FAF1: variants seen among roughly 807,000 people sequenced by gnomAD.
FAF1 encodes the protein Fas associated factor 1, also known as FAS-associated factor 1.
In FAF1, 25 loss-of-function variants were observed where a neutral mutation model predicts 92.5. The observed-to-expected ratio is 0.27, with a 90% CI of 0.20 to 0.38. The LOEUF (loss-of-function observed/expected upper bound fraction) is 0.38. Among genes scored for constraint, FAF1 ranks in the 10% least tolerant of loss-of-function variants. The pLI is 1.00. For missense variants in FAF1, 636 were observed against 793.3 expected, an observed-to-expected ratio of 0.80 and a Z score of 2.38; for synonymous variants, 234 against 273.2, an observed-to-expected ratio of 0.86 and a Z score of 1.42.
chr1:50,847,309 G>A (rs577449937), intron 2 of FAF1, among the ~76,000 whole-genome samples: 1 of 151,442 alleles, frequency 6.6e-6, no homozygotes, highest in South Asian at 2.1e-4. Context: ...TGTTAGAACA[G>A]GAAATTTTAG....
chr1:50,937,578 T>C (rs1366042348), intron 1 of FAF1, among the ~76,000 whole-genome samples: 1 of 152,156 alleles, frequency 6.6e-6, no homozygotes, highest in East Asian at 1.9e-4. Context: ...TGGGACTTTG[T>C]ACCATATGAT....
In FAF1 at chr1:50,893,399, C is replaced by T. The variant is rs1570109951; in HGVS notation, c.46-35402G>A. Among the ~76,000 whole-genome samples the T allele has an allele frequency of 2.6e-5, 4 of 152,202 alleles. No individual in the cohort carries two copies. The South Asian group carries it at 8.3e-4, about 31-fold the overall frequency. ...AGTCATACCTGCATTAGGGGGCACC[C>T]CAAGCCCAGTAACACTGTAGCTCTT... On this transcript the variant is annotated intron_variant, in intron 1 of 18. Transcript: ENST00000396153.
chr1:50,764,853 A>G (rs865837786), intron 4 of FAF1, among the ~76,000 whole-genome samples: 3 of 152,240 alleles, frequency 2.0e-5, no homozygotes, highest in Non-Finnish European at 4.4e-5. Context: ...TCAGAGATGT[A>G]ATTTACAAGA....
chr1:50,718,943 C>A (rs554225835), intron 6 of FAF1, among the ~76,000 whole-genome samples: 41 of 152,196 alleles, frequency 2.7e-4, no homozygotes, highest in Admixed American at 3.9e-4. Context: ...ACCAAATTTA[C>A]CATAATTATG....
chr1:50,554,251 T>C (rs1649445217), intron 13 of FAF1, among the ~76,000 whole-genome samples: 1 of 151,338 alleles, frequency 6.6e-6, no homozygotes, highest in South Asian at 2.1e-4. Flanking sequence ...ATAGCTGGTA[T>C]AGCCATTGCA....
chr1:50,461,082 A>G (rs1646423017), intron 18 of FAF1, among the ~76,000 whole-genome samples: 1 of 152,210 alleles, frequency 6.6e-6, no homozygotes, highest in Non-Finnish European at 1.5e-5. Flanking sequence ...ACAGTGGTTG[A>G]GTATCCACTA....
intron 1 of FAF1, among the ~76,000 whole-genome samples, chr1:50,947,526 G>A (rs1482954878): frequency 2.0e-5 from 3 of 152,222 alleles, no homozygotes; most frequent in African/African-American, 7.2e-5. Context: ...TCAATGACTA[G>A]TGATTTAACA....
chr1:50,686,593 A>C (rs1285658013), intron 7 of FAF1, among the ~76,000 whole-genome samples: 5 of 109,056 alleles, frequency 4.6e-5, no homozygotes, highest in Admixed American at 4.5e-4. Flanking sequence ...AGAGGAGGGA[A>C]AGGGAGAGGA....
At chr1:50,912,463 G>A (rs1216897208) in intron 1 of FAF1, among the ~76,000 whole-genome samples, 1 of 152,110 alleles carries the variant, frequency 6.6e-6, no homozygotes, top group Admixed American at 6.5e-5. Context: ...CCATCTAGGT[G>A]GTGGTATTCT....
chr1:50,717,103 C>T (rs764767687), intron 6 of FAF1, among the ~76,000 whole-genome samples: 2 of 152,272 alleles, frequency 1.3e-5, no homozygotes, highest in South Asian at 2.1e-4. Flanking sequence ...CGCGAAGGTC[C>T]GCGGCTTCAT....
At chr1:50,680,122 T>G (rs1473075462) in intron 7 of FAF1, among the ~76,000 whole-genome samples, 2 of 152,196 alleles carry the variant, frequency 1.3e-5, no homozygotes, top group Non-Finnish European at 2.9e-5. Flanking sequence ...GTTTTCCAAG[T>G]TGAAGAAACA....
intron 18 of FAF1, among the ~76,000 whole-genome samples, chr1:50,470,065 CTT>C (rs1279670498): frequency 2.0e-5 from 3 of 152,088 alleles, no homozygotes; most frequent in Non-Finnish European, 4.4e-5. Context: ...CCTTCTGGCT[CTT>C]GTTTTTTAAA....
chr1:50,939,643 T>C (rs748259874), intron 1 of FAF1, among the ~76,000 whole-genome samples: 1 of 152,212 alleles, frequency 6.6e-6, no homozygotes, highest in Non-Finnish European at 1.5e-5. Context: ...CCATTAAGTA[T>C]GATGTTGGCT....
At chr1:50,650,115 T>C (rs1243508841) in intron 8 of FAF1, among the ~76,000 whole-genome samples, 4 of 145,492 alleles carry the variant, frequency 2.7e-5, no homozygotes, top group Non-Finnish European at 4.5e-5. Context: ...AGAAACCCCA[T>C]GTCTACTAAA....
At chr1:50,863,794 G>A (rs1172906120) in intron 1 of FAF1, among the ~76,000 whole-genome samples, 1 of 151,922 alleles carries the variant, frequency 6.6e-6, no homozygotes, top group Non-Finnish European at 1.5e-5. Flanking sequence ...GTTCCTCCTT[G>A]TACCTCTGGT....
chr1:50,612,352 A>C (rs2124141319), intron 8 of FAF1: 1 of 1,247,532 alleles, frequency 8.0e-7, no homozygotes, highest in African/African-American at 1.6e-5. Flanking sequence ...TCCTCATTTT[A>C]TTATAAGTTT....
intron 1 of FAF1, among the ~76,000 whole-genome samples, chr1:50,908,122 G>C (rs967017670): frequency 6.6e-6 from 1 of 152,064 alleles, no homozygotes. Flanking sequence ...CCTTCATTTC[G>C]TTATATACCC....
At chr1:50,628,072 A>G (rs1180151650) in intron 8 of FAF1, among the ~76,000 whole-genome samples, 2 of 152,064 alleles carry the variant, frequency 1.3e-5, no homozygotes, top group Non-Finnish European at 2.9e-5. Flanking sequence ...AAAGTCAGGG[A>G]GGATTTCTTG....
At chr1:50,684,190 A>G (rs965675600) in intron 7 of FAF1, among the ~76,000 whole-genome samples, 4 of 152,000 alleles carry the variant, frequency 2.6e-5, no homozygotes, top group African/African-American at 9.7e-5. Flanking sequence ...AGGTGATAAT[A>G]GACAGAAATG....
Sources: gnomAD v4.1 joint callset for allele counts (sites outside exome capture counted in the v4.1 genomes callset) on GRCh38, gnomAD v4.1.1 for gene constraint, MANE v1.5 for transcripts, NCBI Gene and HGNC (gene_info 2026-07-23, HGNC 2026-07-21) for gene names.